The following NTRK2 variants were observed in gnomAD, a reference collection of about 807,000 sequenced individuals.
The protein encoded by NTRK2 is BDNF/NT-3 growth factors receptor.
Under a neutral mutation model 94.5 loss-of-function variants are expected in NTRK2, and 13 were observed. That is an observed-to-expected ratio of 0.14 (90% CI 0.09 to 0.22). NTRK2 has a LOEUF of 0.22. Ranked by LOEUF, NTRK2 falls within the 10% of genes least tolerant of loss-of-function variation. NTRK2 has a pLI of 1.00. For missense variants in NTRK2, 639 were observed against 1,071.2 expected (o/e 0.60, Z 5.63); for synonymous variants, 372 against 407.4 (o/e 0.91, Z 1.05).
Position 84,915,067 on chromosome 9 carries a change from G to A in NTRK2, c.1634-19095G>A, listed in dbSNP as rs145862394. On this transcript the variant is annotated intron_variant, in intron 14 of 18. Transcript: ENST00000277120. ...TGCACAATCTAGATCCGTCGTATGC[G>A]CAGTTCACCGTAGGGTTCATGCTCC... Among the ~76,000 whole-genome samples, 224 of 152,190 alleles carry A rather than the reference G, an allele frequency of 1.5e-3. 1 individual carries two copies. Among genetic ancestry groups the A allele is most frequent in the African/African-American group, 5.2e-3 (214 of 41,526 alleles).
At chr9:84,734,760 C>T (rs2063134080) in intron 9 of NTRK2, among the ~76,000 whole-genome samples, 1 of 152,198 alleles carries the variant, frequency 6.6e-6, no homozygotes, top group African/African-American at 2.4e-5. Flanking sequence ...GAGGCCTCCC[C>T]AGCCATATGG....
chr9:84,865,785 C>G (rs1415745190), intron 13 of NTRK2, among the ~76,000 whole-genome samples: 1 of 152,202 alleles, frequency 6.6e-6, no homozygotes, highest in Non-Finnish European at 1.5e-5. Context: ...TGCCAGTAGT[C>G]GGGTCAGTGG....
At chr9:84,975,270 T>A (rs1826691731) in intron 17 of NTRK2, among the ~76,000 whole-genome samples, 1 of 152,078 alleles carries the variant, frequency 6.6e-6, no homozygotes, top group Non-Finnish European at 1.5e-5. Flanking sequence ...GGAAGATGGG[T>A]TGCTAGGCAA....
At chr9:84,888,171 T>C (rs2076474576) in intron 14 of NTRK2, among the ~76,000 whole-genome samples, 1 of 152,142 alleles carries the variant, frequency 6.6e-6, no homozygotes, top group African/African-American at 2.4e-5. Context: ...AGATGAGCAT[T>C]GAGAGAACTT....
chr9:84,835,185 G>A (rs2073799995), intron 12 of NTRK2, among the ~76,000 whole-genome samples: 1 of 152,148 alleles, frequency 6.6e-6, no homozygotes, highest in African/African-American at 2.4e-5. Flanking sequence ...TTCAAGTGTG[G>A]CTATCTTTCA....
intron 12 of NTRK2, among the ~76,000 whole-genome samples, chr9:84,756,490 A>C (rs1006702649): frequency 6.6e-6 from 1 of 152,222 alleles, no homozygotes; most frequent in East Asian, 1.9e-4. Flanking sequence ...GCCAGCAGGG[A>C]GGAGGGAGCT....
rs2071864240 is a variant in NTRK2 at position 84,812,048 on chromosome 9, T to G, written c.1397-48992T>G. 3.8e-6 allele frequency: 4 copies of G among 1,060,474 alleles called. No individual in the cohort carries two copies. In the African/African-American group the frequency reaches 6.6e-5, roughly 17 times the overall value. 65.7% of individuals were successfully genotyped at this position (1,060,474 alleles called of 1,614,324 possible). The stretch of plus-strand genomic sequence containing the variant: ...CATAGCTGGATTGGAAACATTGATG[T>G]TTTAAAAATTTATTTTTTTTGGAAA... On this transcript the variant is annotated intron_variant, in intron 12 of 18. Transcript: ENST00000277120.
chr9:84,706,514 A>ATTTTTTTTTTTTTTTTTT (rs1251771059), intron 4 of NTRK2, among the ~76,000 whole-genome samples: 1 of 68,546 alleles, frequency 1.5e-5, no homozygotes, highest in African/African-American at 5.4e-5. Flanking sequence ...CATGTGTGTT[A>ATTTTTTTTTTTTTTTTTT]TTTTTTGTTT....
intron 4 of NTRK2, among the ~76,000 whole-genome samples, chr9:84,706,236 C>CT (rs58012459): frequency 0.53 from 80,233 of 151,872 alleles, 21,620 homozygotes; most frequent in Admixed American, 0.6. Flanking sequence ...GGACGGTACC[C>CT]TGTGTAGGTA....
chr9:84,874,976 T>TTAAAA, intron 14 of NTRK2: 1 of 1,055,202 alleles, frequency 9.5e-7, no homozygotes, highest in East Asian at 5.3e-5. Flanking sequence ...AATGGGTATT[T>TTAAAA]TAAAATAAGA....
intron 11 of NTRK2, among the ~76,000 whole-genome samples, chr9:84,747,570 C>T (rs1421897612): frequency 1.3e-5 from 2 of 150,914 alleles, no homozygotes; most frequent in South Asian, 2.1e-4. Context: ...CTCTGCCTGC[C>T]GGGTTCATGC....
At position 84,723,729 on chromosome 9, in the gene NTRK2, G is replaced by C. The variant is rs1357505303; in HGVS notation, c.720+20G>C. Reference sequence around the variant, plus strand: ...CATATGGTAAGGCTTGTGTTTGGCTGTGTCTTAATAGAGAGACAAGAGTGT... The same window carrying C: ...CATATGGTAAGGCTTGTGTTTGGCTCTGTCTTAATAGAGAGACAAGAGTGT... On this transcript the variant is annotated intron_variant, in intron 7 of 18. Transcript: ENST00000277120. 3 of 1,613,994 alleles carry C rather than the reference G, an allele frequency of 1.9e-6. No individual in the cohort carries two copies. The South Asian group carries it at 3.3e-5, about 18-fold the overall frequency.
chr9:84,746,631 T>C (rs956042005), intron 11 of NTRK2, among the ~76,000 whole-genome samples: 1 of 152,146 alleles, frequency 6.6e-6, no homozygotes, highest in African/African-American at 2.4e-5. Flanking sequence ...CTGGGTGACC[T>C]CGTCCTTCCC....
At chr9:84,772,127 A>G (rs922950538) in intron 12 of NTRK2, among the ~76,000 whole-genome samples, 1 of 152,210 alleles carries the variant, frequency 6.6e-6, no homozygotes, top group Non-Finnish European at 1.5e-5. Context: ...TCTAAAGGTT[A>G]ATAAGATACT....
chr9:84,880,870 T>G (rs1400583010), intron 14 of NTRK2, among the ~76,000 whole-genome samples: 1 of 152,222 alleles, frequency 6.6e-6, no homozygotes, highest in East Asian at 1.9e-4. Context: ...TTGATAACTT[T>G]GAAAAAACCA....
chr9:85,011,854 T>G (rs575764692), intron 17 of NTRK2, among the ~76,000 whole-genome samples: 5 of 152,156 alleles, frequency 3.3e-5, no homozygotes, highest in African/African-American at 4.8e-5. Context: ...CCTAGCTGTG[T>G]GCGCTTGGGT....
Position 84,812,780 on chromosome 9 carries a change from G to A in NTRK2, c.1397-48260G>A, listed in dbSNP as rs1588772444. ...CCCAAAAAGGAAAAATAAAAAAAAAGGAATATTTGTACCCAACAGCTAGAA... is the reference window on the plus strand; with the variant it reads ...CCCAAAAAGGAAAAATAAAAAAAAAAGAATATTTGTACCCAACAGCTAGAA... On this transcript the variant is annotated intron_variant, in intron 12 of 18. Transcript: ENST00000277120. The A allele has an allele frequency of 4.8e-6, 5 of 1,039,000 alleles. No individual in the cohort carries two copies. The East Asian group carries it at 1.7e-4, about 36-fold the overall frequency. The allele number at this position is 1,039,000 out of a possible 1,614,324, so 64.4% of individuals were successfully genotyped here. A position where few individuals can be genotyped will look rare whatever the true frequency, so the allele number is the denominator to read the frequency against.
intron 2 of NTRK2, among the ~76,000 whole-genome samples, chr9:84,679,139 C>G (rs2059241460): frequency 6.6e-6 from 1 of 152,184 alleles, no homozygotes; most frequent in African/African-American, 2.4e-5. Flanking sequence ...GACTTCTCAG[C>G]CTCTAAAACT....
At chr9:84,741,017 G>T (rs1027232943) in intron 9 of NTRK2, among the ~76,000 whole-genome samples, 1 of 152,208 alleles carries the variant, frequency 6.6e-6, no homozygotes, top group Non-Finnish European at 1.5e-5. Flanking sequence ...AATTCATTTT[G>T]CAATCACTTA....
Sources: allele counts gnomAD v4.1 joint callset (sites outside exome capture counted in the v4.1 genomes callset), GRCh38; gene constraint gnomAD v4.1.1; transcripts MANE v1.5; gene names NCBI Gene and HGNC (gene_info 2026-07-23, HGNC 2026-07-21).